Variants in C10orf105 observed in about 807,000 individuals in gnomAD.
The protein encoded by C10orf105 is chromosome 10 open reading frame 105, also known as uncharacterized protein C10orf105.
A neutral mutation model predicts 0.6 loss-of-function variants in C10orf105; 2 were observed. The ratio of observed to expected loss-of-function variants is 3.18; its 90% CI spans 1.30 to 10.01. C10orf105 has a LOEUF of 10.01. Among genes scored for constraint, C10orf105 ranks in the 30% most tolerant of loss-of-function variants. C10orf105 has a pLI of 0.04. For missense variants in C10orf105, 209 were observed against 191.4 expected (o/e 1.09, Z -0.54); for synonymous variants, 95 against 82.4 (o/e 1.15, Z -0.83).
At position 71,711,874 on chromosome 10, in the gene C10orf105, A is replaced by AC. The variant is rs1306620122; in HGVS notation, c.*4061dup. The AC allele has an allele frequency of 6.8e-6, 1 of 146,964 alleles. No homozygotes were observed. Among genetic ancestry groups the AC allele is most frequent in the Non-Finnish European group, 1.5e-5 (1 of 66,002 alleles). The allele number at this position is 146,964 out of a possible 1,614,324, so 9.1% of individuals were successfully genotyped here. On this transcript the variant is annotated 3_prime_UTR_variant, in exon 2 of 2. Transcript: ENST00000441508. ...TCCAGGTGTTTGACCCAGGTGCTATACCCGCCAGTCCCTGACAGCAGTTGG... is the reference window on the plus strand; with the variant it reads ...TCCAGGTGTTTGACCCAGGTGCTATACCCCGCCAGTCCCTGACAGCAGTTGG...
chr10:71,725,573 A>T (rs1866774988), intron 1 of C10orf105: 1 of 1,572,048 alleles, frequency 6.4e-7, no homozygotes. Flanking sequence ...CCAAGCCCAC[A>T]GCTAGAACAG....
In C10orf105 at chr10:71,712,472, T is replaced by C. The variant is rs1303687462; in HGVS notation, c.*3464A>G. On this transcript the variant is annotated 3_prime_UTR_variant, in exon 2 of 2. Coordinates refer to ENST00000441508, the MANE Select transcript of C10orf105 (RefSeq NM_001164375.3). The stretch of plus-strand genomic sequence containing the variant: ...ATGGGTTAGAAGAATGGCTGGCACA[T>C]GGTGTTATCTAAGTATTTGATACTG... The C allele has an allele frequency of 1.7e-6, 1 of 590,922 alleles. No individual in the cohort carries two copies. The highest frequency in any genetic ancestry group is 3.0e-6 in the Non-Finnish European group (1 of 331,934). The allele number at this position is 590,922 out of a possible 1,614,324, so 36.6% of individuals were successfully genotyped here.
upstream of C10orf105, among the ~76,000 whole-genome samples, chr10:71,720,217 C>G (rs1027712627): frequency 6.6e-6 from 1 of 152,188 alleles, no homozygotes; most frequent in Non-Finnish European, 1.5e-5. Context: ...TCCCTGGGCC[C>G]CATTCCTTCC....
intron 1 of C10orf105, chr10:71,734,173 G>A: frequency 2.3e-6 from 3 of 1,312,686 alleles, no homozygotes; most frequent in African/African-American, 2.9e-5. Flanking sequence ...GTGGAAAAGT[G>A]GGCAGAATGA....
At chr10:71,736,645 A>G (rs1214526914) in intron 1 of C10orf105, among the ~76,000 whole-genome samples, 1 of 152,110 alleles carries the variant, frequency 6.6e-6, no homozygotes, top group Non-Finnish European at 1.5e-5. Flanking sequence ...TCCACTGGGA[A>G]GTCCAGCAGC....
chr10:71,723,361 T>TA (rs1378861116), upstream of C10orf105, among the ~76,000 whole-genome samples: 1 of 152,024 alleles, frequency 6.6e-6, no homozygotes, highest in African/African-American at 2.4e-5. Context: ...GCACTCCTTG[T>TA]AAAAAGGGCT....
chr10:71,730,286 C>T (rs77692593), intron 1 of C10orf105, among the ~76,000 whole-genome samples: 9 of 152,352 alleles, frequency 5.9e-5, no homozygotes, highest in South Asian at 2.1e-4. Context: ...GCACCTGCCA[C>T]GCGCCAGGTG....
rs889237063 is a variant in C10orf105, at chr10:71,715,537, C to T, written c.*399G>A. The T allele has an allele frequency of 1.8e-5, 3 of 170,378 alleles. No homozygotes were observed. The highest frequency in any genetic ancestry group is 4.8e-5 in the African/African-American group (2 of 42,086). 10.6% of individuals were successfully genotyped at this position (170,378 alleles called of 1,614,324 possible). On this transcript the variant is annotated 3_prime_UTR_variant, in exon 2 of 2. Coordinates refer to ENST00000441508, the MANE Select transcript of C10orf105 (RefSeq NM_001164375.3). ...AGCATTTCACTTGACTAAAGGGAACCTTTGCCATTTGGCAACTTCTCCATG... is the reference window on the plus strand; with the variant it reads ...AGCATTTCACTTGACTAAAGGGAACTTTTGCCATTTGGCAACTTCTCCATG...
At position 71,716,091 on chromosome 10, in the gene C10orf105, T is replaced by G; in HGVS notation, c.247A>C (p.Ser83Arg). The G allele has an allele frequency of 6.5e-7, 1 of 1,532,384 alleles. No homozygotes were observed. Among genetic ancestry groups the G allele is most frequent in the East Asian group, 2.5e-5 (1 of 40,504 alleles). The allele number at this position is 1,532,384 out of a possible 1,614,324, so 94.9% of individuals were successfully genotyped here. A position where few individuals can be genotyped will look rare whatever the true frequency, so the allele number is the denominator to read the frequency against. The change falls in exon 2 of 2, where the codon AGT (serine) becomes CGT (arginine). Residue 83 changes from serine (S) to arginine (R), a missense_variant. By Grantham distance (110) the Ser-to-Arg change is moderately radical (BLOSUM62 -1). Coordinates refer to ENST00000441508, the MANE Select transcript of C10orf105 (RefSeq NM_001164375.3). Reference sequence around the variant, plus strand: ...TTCCAGAGCCGGAGCTGGGGCTCACTGGGGCTCCCAGGGTGGTGGGGCATG... The same window carrying G: ...TTCCAGAGCCGGAGCTGGGGCTCACGGGGGCTCCCAGGGTGGTGGGGCATG... ...ECMPHHPGSP[S>R]EPQLRLWKRL...
chr10:71,732,705 G>A, intron 1 of C10orf105: 1 of 1,286,104 alleles, frequency 7.8e-7, no homozygotes, highest in South Asian at 2.0e-5. Flanking sequence ...GTAGGAGTAA[G>A]ATAAAGTTTA....
At chr10:71,721,218 A>G (rs934555905), upstream of C10orf105, among the ~76,000 whole-genome samples, 1 of 152,128 alleles carries the variant, frequency 6.6e-6, no homozygotes, top group Non-Finnish European at 1.5e-5. Flanking sequence ...GCCCTTCCAG[A>G]TCTGGACAAT....
upstream of C10orf105, among the ~76,000 whole-genome samples, chr10:71,720,003 G>T (rs987092299): frequency 6.6e-6 from 1 of 152,248 alleles, no homozygotes; most frequent in Non-Finnish European, 1.5e-5. Flanking sequence ...GAGACGCAGG[G>T]GGAGGGTTTT....
At position 71,716,065 on chromosome 10, in the gene C10orf105, C is replaced by T; in HGVS notation, c.273G>A (p.Lys91=). Reference sequence around the variant, plus strand: ...GGGAGAGGCGCAAGGAGCCCAGGCGCTTCCAGAGCCGGAGCTGGGGCTCAC... The same window carrying T: ...GGGAGAGGCGCAAGGAGCCCAGGCGTTTCCAGAGCCGGAGCTGGGGCTCAC... ...SPSEPQLRLW[K]RLGSLRLSLH... is the part of the protein sequence containing the mutation. Residue 91 remains lysine (K), a synonymous_variant, in exon 2 of 2, where the codon AAG becomes AAA. Coordinates refer to ENST00000441508, the MANE Select transcript of C10orf105 (RefSeq NM_001164375.3). 2 of 1,515,266 alleles carry T rather than the reference C, an allele frequency of 1.3e-6. No individual in the cohort carries two copies. Among genetic ancestry groups the T allele is most frequent in the Non-Finnish European group, 8.9e-7 (1 of 1,127,370 alleles). 93.9% of individuals were successfully genotyped at this position (1,515,266 alleles called of 1,614,324 possible). A position where few individuals can be genotyped will look rare whatever the true frequency, so the allele number is the denominator to read the frequency against.
intron 1 of C10orf105, chr10:71,737,629 G>A (rs1839603738): frequency 2.2e-6 from 1 of 461,698 alleles, no homozygotes; most frequent in Non-Finnish European, 4.4e-6. Context: ...AATGGGGTCT[G>A]GCCTGGGGCA....
chr10:71,737,598 C>T (rs915284537), intron 1 of C10orf105: 5 of 442,562 alleles, frequency 1.1e-5, no homozygotes, highest in Non-Finnish European at 2.3e-5. Flanking sequence ...GCCCCTGAAC[C>T]CCACATGCAG....
At position 71,713,356 on chromosome 10, in the gene C10orf105, G is replaced by C. The variant is rs569274550; in HGVS notation, c.*2580C>G. 1 of 756,580 alleles carries C rather than the reference G, an allele frequency of 1.3e-6. No homozygotes were observed. Among genetic ancestry groups the C allele is most frequent in the South Asian group, 1.4e-5 (1 of 72,090 alleles). The allele number at this position is 756,580 out of a possible 1,614,324, so 46.9% of individuals were successfully genotyped here. A position where few individuals can be genotyped will look rare whatever the true frequency, so the allele number is the denominator to read the frequency against. On this transcript the variant is annotated 3_prime_UTR_variant, in exon 2 of 2. Coordinates refer to ENST00000441508, the MANE Select transcript of C10orf105 (RefSeq NM_001164375.3). ...TGTGCACCCACACCTCTGCCCAGAG[G>C]CCTCAGTTGCTGGGTGGGGAGGGAG... is the stretch of plus-strand genomic sequence containing the variant.
intron 1 of C10orf105, chr10:71,732,455 C>T: frequency 6.6e-7 from 1 of 1,526,404 alleles, no homozygotes. Context: ...GCACAGCACT[C>T]TCCTCTTTGT....
At position 71,716,292 on chromosome 10, in the gene C10orf105, G is replaced by T; in HGVS notation, c.46C>A (p.Pro16Thr). ...ACGGGAGCTGAGAGAAAGGCGAGGG[G>T]GCTGATGGCTGGGGAGCTGGCGAGG... ...PSLASSPAIS[P>T]LAFLSAPVTP... The change falls in exon 2 of 2, where the codon CCC (proline) becomes ACC (threonine). Residue 16 changes from proline to threonine, a missense_variant. Transcript: ENST00000441508. 1.3e-6 allele frequency: 2 copies of T among 1,520,872 alleles called. No homozygotes were observed. Among genetic ancestry groups the T allele is most frequent in the Non-Finnish European group, 1.8e-6 (2 of 1,129,580 alleles). The allele number at this position is 1,520,872 out of a possible 1,614,324, so 94.2% of individuals were successfully genotyped here. A position where few individuals can be genotyped will look rare whatever the true frequency, so the allele number is the denominator to read the frequency against.
In C10orf105 at chr10:71,714,611, G is replaced by A. The variant is rs1012493859; in HGVS notation, c.*1325C>T. 2.6e-5 allele frequency: 4 copies of A among 152,304 alleles called. No individual in the cohort carries two copies. 9.4% of individuals were successfully genotyped at this position (152,304 alleles called of 1,614,324 possible). On this transcript the variant is annotated 3_prime_UTR_variant, in exon 2 of 2. Transcript: ENST00000441508. ...TTTTCCTGGAGTTTTGGATCAAGAT[G>A]AGGCTAGAAAGATTAATTGGAGCCA...
Sources: gnomAD v4.1 joint callset for allele counts (sites outside exome capture counted in the v4.1 genomes callset) on GRCh38, gnomAD v4.1.1 for gene constraint, MANE v1.5 for transcripts, NCBI Gene and HGNC (gene_info 2026-07-23, HGNC 2026-07-21) for gene names.